RBFOX1: variants seen among roughly 807,000 people sequenced by gnomAD.
RBFOX1 encodes RNA binding protein fox-1 homolog 1.
A neutral mutation model predicts 57.7 loss-of-function variants in RBFOX1; 8 were observed. That is an observed-to-expected ratio of 0.14 (90% CI 0.08 to 0.25). The LOEUF (loss-of-function observed/expected upper bound fraction) is 0.25. Among genes scored for constraint, RBFOX1 ranks in the 10% least tolerant of loss-of-function variants. The pLI is 1.00. For synonymous variants in RBFOX1, 326 were observed against 222.4 expected, an observed-to-expected ratio of 1.47 and a Z score of -4.15; for missense variants, 611 against 548.5, an observed-to-expected ratio of 1.11 and a Z score of -1.14.
intron 4 of RBFOX1, among the ~76,000 whole-genome samples, chr16:7,094,850 A>T (rs1283727800): frequency 6.6e-6 from 1 of 150,990 alleles, no homozygotes; most frequent in African/African-American, 2.4e-5. Context: ...CATTTAAATA[A>T]CTCACTTATG....
intron 11 of RBFOX1, among the ~76,000 whole-genome samples, chr16:7,646,654 A>G (rs747278084): frequency 6.6e-6 from 1 of 152,230 alleles, no homozygotes. Flanking sequence ...ATTGCCCATT[A>G]AAGCGGTTGT....
chr16:6,815,751 C>T (rs2089932420), intron 3 of RBFOX1, among the ~76,000 whole-genome samples: 1 of 152,150 alleles, frequency 6.6e-6, no homozygotes, highest in Non-Finnish European at 1.5e-5. Context: ...AGCAAAAAGT[C>T]TATAGTTTGC....
At chr16:5,625,673 T>A (rs1042430734) in intron 3 of RBFOX1, among the ~76,000 whole-genome samples, 2 of 152,052 alleles carry the variant, frequency 1.3e-5, no homozygotes, top group African/African-American at 4.8e-5. Flanking sequence ...TTCTCCTTCC[T>A]CAGCCTCCTG....
At chr16:6,764,221 T>C (rs2077014983) in intron 3 of RBFOX1, among the ~76,000 whole-genome samples, 1 of 152,226 alleles carries the variant, frequency 6.6e-6, no homozygotes, top group East Asian at 1.9e-4. Context: ...CTCAGTTTTA[T>C]GACAGCAGCT....
intron 1 of RBFOX1, among the ~76,000 whole-genome samples, chr16:5,329,429 T>C (rs992280375): frequency 1.3e-5 from 2 of 152,128 alleles, no homozygotes; most frequent in African/African-American, 4.8e-5. Context: ...TCACTCCGTA[T>C]GACAAGAACA....
chr16:5,405,616 T>G (rs1171519633), intron 1 of RBFOX1, among the ~76,000 whole-genome samples: 2 of 152,172 alleles, frequency 1.3e-5, no homozygotes, highest in East Asian at 3.9e-4. Context: ...AAAACAAATG[T>G]GAAAAAATGA....
intron 3 of RBFOX1, among the ~76,000 whole-genome samples, chr16:7,008,518 T>A (rs1055881346): frequency 2.6e-5 from 4 of 151,982 alleles, no homozygotes; most frequent in African/African-American, 9.7e-5. Flanking sequence ...CCAGCCTGGG[T>A]GACAGGGCAA....
At chr16:6,653,001 A>G (rs952672423) in intron 2 of RBFOX1, among the ~76,000 whole-genome samples, 1 of 151,890 alleles carries the variant, frequency 6.6e-6, no homozygotes, top group Non-Finnish European at 1.5e-5. Context: ...ATTCCCCTTT[A>G]TTTTCCTCTC....
chr16:6,745,719 C>T (rs756227414), intron 3 of RBFOX1, among the ~76,000 whole-genome samples: 34 of 152,074 alleles, frequency 2.2e-4, no homozygotes, highest in Non-Finnish European at 4.1e-4. Flanking sequence ...GGTGTTGCCC[C>T]CAAGATTGGG....
chr16:5,576,939 A>C (rs2046475938), intron 2 of RBFOX1, among the ~76,000 whole-genome samples: 1 of 152,232 alleles, frequency 6.6e-6, no homozygotes, highest in African/African-American at 2.4e-5. Flanking sequence ...TTGGGCCAAG[A>C]TTAAAGAGGA....
At chr16:7,166,509 G>A (rs1486001062) in intron 4 of RBFOX1, among the ~76,000 whole-genome samples, 1 of 152,146 alleles carries the variant, frequency 6.6e-6, no homozygotes, top group Admixed American at 6.5e-5. Flanking sequence ...GGTTGGAGAA[G>A]AAGGAACAGG....
At chr16:7,135,304 C>G (rs988252111) in intron 4 of RBFOX1, among the ~76,000 whole-genome samples, 3 of 152,134 alleles carry the variant, frequency 2.0e-5, no homozygotes, top group Non-Finnish European at 2.9e-5. Context: ...TAGAGAGACT[C>G]CACATTATTT....
chr16:5,263,765 C>T (rs926144351), intron 1 of RBFOX1, among the ~76,000 whole-genome samples: 7 of 152,060 alleles, frequency 4.6e-5, no homozygotes, highest in African/African-American at 1.7e-4. Flanking sequence ...TCTGAAACCC[C>T]TAGGGATGGG....
chr16:7,230,646 C>T (rs970031229), intron 4 of RBFOX1, among the ~76,000 whole-genome samples: 3 of 152,124 alleles, frequency 2.0e-5, no homozygotes, highest in East Asian at 1.9e-4. Context: ...CATTCTGGAA[C>T]TTGTTTGTGA....
intron 4 of RBFOX1, among the ~76,000 whole-genome samples, chr16:7,208,622 G>T (rs1342018429): frequency 6.6e-6 from 1 of 152,132 alleles, no homozygotes; most frequent in African/African-American, 2.4e-5. Flanking sequence ...GTTTGCTTCA[G>T]GGTAAGAGTT....
At chr16:6,630,713 T>A (rs2098374350) in intron 2 of RBFOX1, among the ~76,000 whole-genome samples, 1 of 152,178 alleles carries the variant, frequency 6.6e-6, no homozygotes, top group Admixed American at 6.6e-5. Context: ...TAGTCAAGTT[T>A]AAATTCCTAA....
At chr16:7,156,481 A>C (rs1017850468) in intron 4 of RBFOX1, among the ~76,000 whole-genome samples, 1 of 152,068 alleles carries the variant, frequency 6.6e-6, no homozygotes, top group Non-Finnish European at 1.5e-5. Flanking sequence ...ATACAGGTAG[A>C]TACACATCTA....
At chr16:7,563,415 C>T (rs973776322) in intron 5 of RBFOX1, among the ~76,000 whole-genome samples, 1 of 152,110 alleles carries the variant, frequency 6.6e-6, no homozygotes, top group African/African-American at 2.4e-5. Flanking sequence ...AATTGTGTTT[C>T]GAAGTCTATA....
intron 3 of RBFOX1, among the ~76,000 whole-genome samples, chr16:6,762,034 G>A (rs1271313650): frequency 6.6e-6 from 1 of 152,102 alleles, no homozygotes; most frequent in African/African-American, 2.4e-5. Flanking sequence ...ATGAAATATA[G>A]TGTAGATGTT....
Sources: allele counts gnomAD v4.1 joint callset (sites outside exome capture counted in the v4.1 genomes callset), GRCh38; gene constraint gnomAD v4.1.1; transcripts MANE v1.5; gene names NCBI Gene and HGNC (gene_info 2026-07-23, HGNC 2026-07-21).